The following VPS53 variants were observed in gnomAD, a reference collection of about 807,000 sequenced individuals.
VPS53 encodes vacuolar protein sorting-associated protein 53 homolog.
A neutral mutation model predicts 107.0 loss-of-function variants in VPS53; 70 were observed. The ratio of observed to expected loss-of-function variants is 0.65; its 90% CI spans 0.54 to 0.80. VPS53 has a LOEUF of 0.80. Among genes scored for constraint, VPS53 ranks in the 30% least tolerant of loss-of-function variants. VPS53 has a pLI of 0.00. For synonymous variants in VPS53, 409 were observed against 393.3 expected (o/e 1.04, Z -0.47); for missense variants, 917 against 1,049.4 (o/e 0.87, Z 1.74).
At chr17:708,288 A>G (rs1227259628) in intron 2 of VPS53, among the ~76,000 whole-genome samples, 1 of 152,214 alleles carries the variant, frequency 6.6e-6, no homozygotes, top group African/African-American at 2.4e-5. Context: ...AATGATTGAC[A>G]AGGTCAAGCA....
chr17:541,958 G>A (rs1345007377), intron 17 of VPS53, among the ~76,000 whole-genome samples: 3 of 134,152 alleles, frequency 2.2e-5, no homozygotes, highest in Non-Finnish European at 3.1e-5. Context: ...CGCACCAGGC[G>A]CTGAAGGAAT....
intron 4 of VPS53, among the ~76,000 whole-genome samples, chr17:670,813 A>T (rs1291607141): frequency 1.3e-5 from 2 of 152,176 alleles, no homozygotes; most frequent in Non-Finnish European, 2.9e-5. Flanking sequence ...CTATTCTGTG[A>T]AAAAATAAGG....
chr17:592,470 A>T (rs1482529113), intron 12 of VPS53, among the ~76,000 whole-genome samples: 3 of 152,068 alleles, frequency 2.0e-5, no homozygotes, highest in Non-Finnish European at 4.4e-5. Flanking sequence ...TAGTTGATGC[A>T]GTTTCTTCGT....
chr17:707,511 A>C (rs1973455741), intron 2 of VPS53, among the ~76,000 whole-genome samples: 1 of 122,292 alleles, frequency 8.2e-6, no homozygotes, highest in African/African-American at 3.1e-5. Flanking sequence ...CAAGAATGAG[A>C]CTTTGTCTCA....
intron 19 of VPS53, chr17:523,115 G>A (rs1908874015): frequency 6.6e-6 from 1 of 152,648 alleles, no homozygotes; most frequent in African/African-American, 2.4e-5. Context: ...GGTTGCCCAG[G>A]TAAATGTCCC....
At chr17:690,254 G>A (rs954685650) in intron 4 of VPS53, among the ~76,000 whole-genome samples, 3 of 152,158 alleles carry the variant, frequency 2.0e-5, no homozygotes, top group Admixed American at 1.3e-4. Context: ...AGACACACAC[G>A]GTCTGACAAT....
intron 15 of VPS53, among the ~76,000 whole-genome samples, chr17:557,060 C>T (rs988557988): frequency 3.9e-5 from 6 of 152,278 alleles, no homozygotes; most frequent in South Asian, 2.1e-4. Flanking sequence ...GCCATGTTGA[C>T]GAGACTGGTC....
chr17:678,647 TATA>T (rs1972259688), intron 4 of VPS53, among the ~76,000 whole-genome samples: 1 of 149,788 alleles, frequency 6.7e-6, no homozygotes, highest in Non-Finnish European at 1.5e-5. Flanking sequence ...TATATATATA[TATA>T]TTTTTTTGAG....
chr17:660,434 T>C (rs1971394061), intron 5 of VPS53, among the ~76,000 whole-genome samples: 3 of 152,166 alleles, frequency 2.0e-5, no homozygotes, highest in African/African-American at 7.2e-5. Context: ...GCAAGCTGCT[T>C]TAAAATAAGA....
At chr17:652,493 CA>C (rs1970993495) in intron 7 of VPS53, among the ~76,000 whole-genome samples, 1 of 152,158 alleles carries the variant, frequency 6.6e-6, no homozygotes, top group South Asian at 2.1e-4. Flanking sequence ...TTGGGACGCT[CA>C]TTCTTGGAAC....
chr17:631,443 C>G (rs1413175762), intron 8 of VPS53, 107 bp downstream of exon 8: 1 of 1,195,780 alleles, frequency 8.4e-7, no homozygotes, highest in African/African-American at 1.5e-5. Context: ...GGATTTGCAG[C>G]TGCCAGCGAG....
rs1179697222 is a variant in VPS53, at chr17:553,378, A to T, written c.1787+2T>A. ...GCCAGTAAGTGTGTGCAGGGTACAT[A>T]CGTGCTGAACGTGTCCATCTCTCCA... is the stretch of plus-strand genomic sequence containing the variant. On this transcript the variant is annotated splice_donor_variant, in intron 16 of 21. Coordinates refer to ENST00000437048, the MANE Select transcript of VPS53 (RefSeq NM_001128159.3). LOFTEE classifies it high-confidence loss of function. 1 of 1,614,048 alleles carries T rather than the reference A, an allele frequency of 6.2e-7. No individual in the cohort carries two copies. The highest frequency in any genetic ancestry group is 1.7e-5 in the Admixed American group (1 of 60,018).
chr17:614,270 G>A (rs1247177215), intron 11 of VPS53, among the ~76,000 whole-genome samples: 1 of 152,082 alleles, frequency 6.6e-6, no homozygotes, highest in South Asian at 2.1e-4. Context: ...GTGACATTTC[G>A]TGACATGAGT....
chr17:690,757 TG>T (rs2143857905), intron 4 of VPS53, among the ~76,000 whole-genome samples: 1 of 147,512 alleles, frequency 6.8e-6, no homozygotes, highest in East Asian at 2.0e-4. Flanking sequence ...TCCAAGGTAA[TG>T]GAAGAACAAT....
chr17:687,832 C>G (rs1972644197), intron 4 of VPS53, among the ~76,000 whole-genome samples: 1 of 152,200 alleles, frequency 6.6e-6, no homozygotes, highest in Non-Finnish European at 1.5e-5. Context: ...CTCCATGTCA[C>G]AGATGGAAAG....
At chr17:705,122 T>C (rs1047579015) in intron 2 of VPS53, among the ~76,000 whole-genome samples, 1 of 152,162 alleles carries the variant, frequency 6.6e-6, no homozygotes, top group Non-Finnish European at 1.5e-5. Context: ...ACAACTTATT[T>C]CCACCTGGAT....
intron 1 of VPS53, chr17:714,044 C>CAAAAAAA (rs397818093): frequency 3.9e-5 from 3 of 77,724 alleles, no homozygotes; most frequent in Non-Finnish European, 5.2e-5. Flanking sequence ...GAATCCGTCT[C>CAAAAAAA]AAAAAAAAAA....
At chr17:624,046 T>G (rs1969584745) in intron 10 of VPS53, among the ~76,000 whole-genome samples, 1 of 151,524 alleles carries the variant, frequency 6.6e-6, no homozygotes. Context: ...TTAGTAGAGA[T>G]AGTGTTTCAC....
chr17:554,471 T>C (rs562657635), intron 15 of VPS53, among the ~76,000 whole-genome samples: 5 of 152,340 alleles, frequency 3.3e-5, no homozygotes, highest in African/African-American at 1.2e-4. Context: ...TGGTACGATC[T>C]TGGCTCACTG....
Sources: gnomAD v4.1 joint callset for allele counts (sites outside exome capture counted in the v4.1 genomes callset) on GRCh38, gnomAD v4.1.1 for gene constraint, MANE v1.5 for transcripts, NCBI Gene and HGNC (gene_info 2026-07-23, HGNC 2026-07-21) for gene names.